RERE: variants seen among roughly 807,000 people sequenced by gnomAD.
RERE encodes arginine-glutamic acid dipeptide repeats protein.
A neutral mutation model predicts 146.1 loss-of-function variants in RERE; 40 were observed. The observed-to-expected ratio is 0.27, with a 90% CI of 0.21 to 0.36. RERE has a LOEUF of 0.36. RERE is among the 10% of genes least tolerant of loss of function. RERE has a pLI of 1.00. For missense variants in RERE, 1,933 were observed against 2,138.7 expected (o/e 0.90, Z 1.90); for synonymous variants, 1,003 against 866.0 (o/e 1.16, Z -2.78).
chr1:8,643,555 T>C (rs1647210185), intron 2 of RERE, among the ~76,000 whole-genome samples: 1 of 152,256 alleles, frequency 6.6e-6, no homozygotes, highest in African/African-American at 2.4e-5. Context: ...ATCAGATGGC[T>C]ATTTTGTTAA....
intron 7 of RERE, among the ~76,000 whole-genome samples, chr1:8,517,239 A>G (rs1178395451): frequency 2.0e-5 from 3 of 152,248 alleles, no homozygotes; most frequent in Non-Finnish European, 4.4e-5. Flanking sequence ...ATGGGAAATC[A>G]GAAAGAACAC....
chr1:8,422,215 G>GGA (rs1240322991), intron 12 of RERE, among the ~76,000 whole-genome samples: 1 of 152,076 alleles, frequency 6.6e-6, no homozygotes, highest in Non-Finnish European at 1.5e-5. Flanking sequence ...TCTGTCCAGT[G>GGA]GAAAGTGCAA....
chr1:8,476,373 A>T (rs1354674337), intron 10 of RERE, among the ~76,000 whole-genome samples: 1 of 152,210 alleles, frequency 6.6e-6, no homozygotes, highest in South Asian at 2.1e-4. Context: ...AGGACAGGCA[A>T]TCTGGTGGGA....
intron 1 of RERE, among the ~76,000 whole-genome samples, chr1:8,756,114 G>T (rs12144098): frequency 6.6e-6 from 1 of 151,852 alleles, no homozygotes; most frequent in Admixed American, 6.6e-5. Flanking sequence ...GGGCAACATA[G>T]CGAGACCCCA....
At chr1:8,361,639 T>C (rs1641586467) in intron 17 of RERE, 124 bp downstream of exon 17, 6 of 1,324,100 alleles carry the variant, frequency 4.5e-6, no homozygotes, top group South Asian at 1.3e-5. Flanking sequence ...ACCCAGCCAG[T>C]GTCAAAGGCC....
chr1:8,761,636 G>C (rs978563156), intron 1 of RERE, among the ~76,000 whole-genome samples: 2 of 152,028 alleles, frequency 1.3e-5, no homozygotes, highest in African/African-American at 2.4e-5. Context: ...TTAGATTCTC[G>C]GCCGGGCATG....
chr1:8,414,231 T>C (rs1454472270), intron 12 of RERE, among the ~76,000 whole-genome samples: 1 of 151,776 alleles, frequency 6.6e-6, no homozygotes, highest in Non-Finnish European at 1.5e-5. Context: ...ATCCCAACTT[T>C]GTCAACTGGG....
intron 1 of RERE, among the ~76,000 whole-genome samples, chr1:8,794,477 G>A (rs1016904984): frequency 6.6e-6 from 1 of 151,948 alleles, no homozygotes; most frequent in Non-Finnish European, 1.5e-5. Context: ...GAGGTGGCAG[G>A]GAAAACTGCT....
chr1:8,645,148 T>C (rs536411553), intron 2 of RERE, among the ~76,000 whole-genome samples: 5 of 152,288 alleles, frequency 3.3e-5, no homozygotes, highest in African/African-American at 1.2e-4. Flanking sequence ...GCAAATCCAG[T>C]AGATAGAAGG....
intron 2 of RERE, among the ~76,000 whole-genome samples, chr1:8,624,773 G>A (rs751564271): frequency 6.6e-6 from 1 of 152,166 alleles, no homozygotes; most frequent in Admixed American, 6.5e-5. Context: ...CTTCGAAAAA[G>A]AGAAACGGCT....
intron 4 of RERE, among the ~76,000 whole-genome samples, chr1:8,568,871 C>T (rs1646184119): frequency 6.6e-6 from 1 of 152,100 alleles, no homozygotes; most frequent in Non-Finnish European, 1.5e-5. Flanking sequence ...ATCCAGCCAG[C>T]CAGCCAGCCA....
At chr1:8,385,479 C>A (rs1642604476) in intron 12 of RERE, among the ~76,000 whole-genome samples, 1 of 152,106 alleles carries the variant, frequency 6.6e-6, no homozygotes, top group South Asian at 2.1e-4. Flanking sequence ...CAGGGGCAGG[C>A]TACCACGGAG....
chr1:8,572,732 A>T (rs11121201), intron 4 of RERE, among the ~76,000 whole-genome samples: 89,377 of 151,938 alleles, frequency 0.59, 26,886 homozygotes, highest in East Asian at 0.84. Context: ...CCAATGGAGG[A>T]GAAGACCCCT....
chr1:8,593,385 G>C (rs1646517476), intron 4 of RERE, among the ~76,000 whole-genome samples: 1 of 152,138 alleles, frequency 6.6e-6, no homozygotes, highest in Non-Finnish European at 1.5e-5. Context: ...TCTTTCGTGT[G>C]CTGTTCTTGT....
intron 11 of RERE, among the ~76,000 whole-genome samples, chr1:8,460,565 T>C (rs897954663): frequency 6.6e-6 from 1 of 152,228 alleles, no homozygotes; most frequent in Non-Finnish European, 1.5e-5. Context: ...AGATTAACTA[T>C]TTTTGGATAA....
chr1:8,691,610 C>CA (rs1639208505), intron 1 of RERE, among the ~76,000 whole-genome samples: 1 of 152,152 alleles, frequency 6.6e-6, no homozygotes, highest in Non-Finnish European at 1.5e-5. Context: ...TTTATGTACT[C>CA]AAACAGTCAC....
chr1:8,397,915 A>G (rs1193287618), intron 12 of RERE, among the ~76,000 whole-genome samples: 2 of 152,258 alleles, frequency 1.3e-5, no homozygotes, highest in Non-Finnish European at 2.9e-5. Flanking sequence ...ATATTTCTTG[A>G]GCATCTAGGT....
At chr1:8,501,032 G>GA (rs1491536673) in intron 8 of RERE, among the ~76,000 whole-genome samples, 5 of 53,292 alleles carry the variant, frequency 9.4e-5, no homozygotes, top group Non-Finnish European at 1.7e-4. Flanking sequence ...CCGTCCGGGA[G>GA]GGGGGGGGGG....
At chr1:8,516,227 G>GGAAAAAAAAAAAAAAAAAAAAAAAAAAAA (rs573135224) in intron 7 of RERE, among the ~76,000 whole-genome samples, 6 of 52,308 alleles carry the variant, frequency 1.1e-4, no homozygotes, top group African/African-American at 5.2e-4. Flanking sequence ...TCTCTCAGAG[G>GGAAAAAAAAAAAAAAAAAAAAAAAAAAAA]AAAAAAAAAA....
Sources: gnomAD v4.1 joint callset for allele counts (sites outside exome capture counted in the v4.1 genomes callset) on GRCh38, gnomAD v4.1.1 for gene constraint, MANE v1.5 for transcripts, NCBI Gene and HGNC (gene_info 2026-07-23, HGNC 2026-07-21) for gene names.